The following TRIM9 variants were observed in gnomAD, a reference collection of about 807,000 sequenced individuals.
The protein encoded by TRIM9 is tripartite motif containing 9.
A neutral mutation model predicts 78.3 loss-of-function variants in TRIM9; 26 were observed. The observed-to-expected ratio is 0.33, with a 90% confidence interval of 0.24 to 0.46. TRIM9 has a LOEUF of 0.46. TRIM9 is among the 20% of genes least tolerant of loss of function. The probability of loss-of-function intolerance (pLI) is 1.00; values close to 1 mark genes in which losing one functional copy is unlikely to be tolerated. For missense variants in TRIM9, 787 were observed against 1,036.4 expected, an observed-to-expected ratio of 0.76 and a Z score of 3.30; for synonymous variants, 398 against 416.5, an observed-to-expected ratio of 0.96 and a Z score of 0.54.
intron 11 of TRIM9, 136 bp downstream of exon 11, chr14:50,981,664 A>C: frequency 9.2e-7 from 1 of 1,087,452 alleles, no homozygotes; most frequent in East Asian, 2.4e-5. Context: ...AGGCTCATAG[A>C]TTGCCTGTGC....
chr14:51,000,912 T>G, intron 5 of TRIM9, 72 bp from the exon 6 acceptor site: 1 of 1,572,072 alleles, frequency 6.4e-7, no homozygotes, highest in South Asian at 1.1e-5. Context: ...ATGACAAGCA[T>G]CCCCCTGATA....
Position 51,094,825 on chromosome 14 carries a change from C to G in TRIM9, c.115G>C (p.Val39Leu). ...GGGGATTCAGACTCTGGGGTCTGCACCAGGATGTTGCGGGCGCACGCCTGA... is the reference window on the plus strand; with the variant it reads ...GGGGATTCAGACTCTGGGGTCTGCAGCAGGATGTTGCGGGCGCACGCCTGA... ...LCQACARNILVQTPESESPQS... is the reference protein window; with the variant it reads ...LCQACARNILLQTPESESPQS... Residue 39 changes from valine (V) to leucine (L), a missense_variant, in exon 1 of 13, where the codon GTG becomes CTG. Val to Leu is a conservative substitution (Grantham distance 32). Around this residue, in one of 3 missense-constraint regions of TRIM9, gnomAD observed 352 missense variants for 472.3 expected, o/e 0.75. Coordinates refer to ENST00000684578, the MANE Select transcript of TRIM9 (RefSeq NM_001387360.1). 1.3e-6 allele frequency: 2 copies of G among 1,535,490 alleles called. No homozygotes were observed. Among genetic ancestry groups the G allele is most frequent in the East Asian group, 4.5e-5 (2 of 44,296 alleles).
At chr14:50,994,864 C>T (rs1315773555) in intron 7 of TRIM9, among the ~76,000 whole-genome samples, 2 of 152,286 alleles carry the variant, frequency 1.3e-5, no homozygotes, top group South Asian at 4.2e-4. Context: ...TTCTTAATTG[C>T]TTACAGTTAT....
At chr14:51,052,234 G>T (rs2060492338) in intron 1 of TRIM9, among the ~76,000 whole-genome samples, 1 of 151,940 alleles carries the variant, frequency 6.6e-6, no homozygotes, top group Non-Finnish European at 1.5e-5. Context: ...TAATATGGGG[G>T]AAAACGACCT....
intron 3 of TRIM9, among the ~76,000 whole-genome samples, chr14:51,022,089 C>T (rs916615729): frequency 3.9e-5 from 6 of 152,126 alleles, no homozygotes; most frequent in Admixed American, 1.3e-4. Flanking sequence ...TTTCTTAGCA[C>T]TTTTTACTAA....
chr14:51,016,546 GTTA>G (rs907176881), intron 3 of TRIM9, among the ~76,000 whole-genome samples: 1 of 138,566 alleles, frequency 7.2e-6, no homozygotes, highest in Non-Finnish European at 1.5e-5. Flanking sequence ...ATAACATTAT[GTTA>G]TTATTAGCAT....
intron 1 of TRIM9, among the ~76,000 whole-genome samples, 175 bp from the exon 2 acceptor site, chr14:51,025,535 G>C (rs149959176): frequency 7.2e-4 from 110 of 152,300 alleles, no homozygotes; most frequent in African/African-American, 2.5e-3. Flanking sequence ...CTGTGCTCCT[G>C]AGTAGTTTCT....
chr14:51,047,398 G>T (rs939447077), intron 1 of TRIM9, among the ~76,000 whole-genome samples: 3 of 152,168 alleles, frequency 2.0e-5, no homozygotes, highest in African/African-American at 7.2e-5. Context: ...TTGAGGATAA[G>T]GACAGGTGTG....
intron 1 of TRIM9, among the ~76,000 whole-genome samples, chr14:51,039,092 C>A (rs1231992246): frequency 6.6e-6 from 1 of 152,184 alleles, no homozygotes. Context: ...CAGGCCTTTA[C>A]AACACCGATG....
chr14:51,060,862 T>C (rs1163678304), intron 1 of TRIM9, among the ~76,000 whole-genome samples: 1 of 152,190 alleles, frequency 6.6e-6, no homozygotes, highest in Non-Finnish European at 1.5e-5. Context: ...ATTAACTTTA[T>C]GAAAAATTGT....
At chr14:50,998,559 T>C (rs2054531278) in intron 6 of TRIM9, among the ~76,000 whole-genome samples, 1 of 152,188 alleles carries the variant, frequency 6.6e-6, no homozygotes, top group South Asian at 2.1e-4. Context: ...TTGGGATTGG[T>C]ACAGTATATA....
At chr14:51,026,267 T>C (rs1177918448) in intron 1 of TRIM9, among the ~76,000 whole-genome samples, 4 of 152,234 alleles carry the variant, frequency 2.6e-5, no homozygotes, top group South Asian at 2.1e-4. Flanking sequence ...AGAAGGCCAA[T>C]AGGGTATGGG....
intron 2 of TRIM9, 22 bp from the exon 3 acceptor site, chr14:51,022,979 T>C (rs767247298): frequency 6.2e-7 from 1 of 1,612,948 alleles, no homozygotes; most frequent in South Asian, 1.1e-5. Context: ...AGCACATTTC[T>C]CAACTGCAAG....
At chr14:51,057,315 G>C (rs1180569085) in intron 1 of TRIM9, among the ~76,000 whole-genome samples, 1 of 152,142 alleles carries the variant, frequency 6.6e-6, no homozygotes, top group African/African-American at 2.4e-5. Context: ...TTAAAATGCT[G>C]CTTTTGTCTT....
intron 5 of TRIM9, among the ~76,000 whole-genome samples, chr14:51,006,728 C>A (rs1009453604): frequency 6.6e-6 from 1 of 152,092 alleles, no homozygotes; most frequent in Non-Finnish European, 1.5e-5. Context: ...CTTCATGAAT[C>A]ATTGTTCTGT....
At chr14:51,058,890 G>C (rs2061109040) in intron 1 of TRIM9, among the ~76,000 whole-genome samples, 1 of 152,160 alleles carries the variant, frequency 6.6e-6, no homozygotes, top group African/African-American at 2.4e-5. Flanking sequence ...TATATTCTTA[G>C]CTCTCCACAT....
chr14:50,981,890 T>C lies in TRIM9; in HGVS notation c.2072A>G (p.Asp691Gly). 6.2e-7 allele frequency: 1 copy of C among 1,614,094 alleles called. No homozygotes were observed. The change falls in exon 11 of 13, where the codon GAT becomes GGT. Residue 691 changes from aspartate (D) to glycine (G), a missense_variant. By Grantham distance (94) the Asp-to-Gly change is moderately conservative. Transcript: ENST00000684578. ...TTTGTCGTCTTTTCCTAACATCACA[T>C]CCTTCATCACGTCCATGCGAGCCAC... The part of the protein sequence containing the change: ...FGVARMDVMK[D>G]VMLGKDDKAW...
intron 1 of TRIM9, among the ~76,000 whole-genome samples, chr14:51,033,093 C>T (rs1377275754): frequency 6.6e-6 from 1 of 152,156 alleles, no homozygotes; most frequent in African/African-American, 2.4e-5. Context: ...TATTTATTTA[C>T]TTATTTATTT....
chr14:51,024,691 A>G (rs17803300), intron 2 of TRIM9, among the ~76,000 whole-genome samples: 16,045 of 152,204 alleles, frequency 0.11, 877 homozygotes, highest in Middle Eastern at 0.19. Flanking sequence ...TTGCCAGGGG[A>G]TCATGGTTGA....
Sources: allele counts gnomAD v4.1 joint callset (sites outside exome capture counted in the v4.1 genomes callset), GRCh38; gene constraint gnomAD v4.1.1; regional missense constraint gnomAD v4.1.1; transcripts MANE v1.5; gene names NCBI Gene and HGNC (gene_info 2026-07-23, HGNC 2026-07-21).